Variants in TYW1 observed in about 807,000 individuals in gnomAD.
TYW1 encodes the protein tRNA-yW synthesizing protein 1 homolog, also known as S-adenosyl-L-methionine-dependent tRNA 4-demethylwyosine synthase TYW1.
In TYW1, 46 loss-of-function variants were observed where a neutral mutation model predicts 96.2. The observed-to-expected ratio is 0.48, with a 90% CI of 0.38 to 0.61. TYW1 has a LOEUF of 0.61. Among genes scored for constraint, TYW1 ranks in the 20% least tolerant of loss-of-function variants. TYW1 has a pLI of 0.00. For missense variants in TYW1, 684 were observed against 909.6 expected, an observed-to-expected ratio of 0.75 and a Z score of 3.19; for synonymous variants, 274 against 323.0, an observed-to-expected ratio of 0.85 and a Z score of 1.63.
chr7:67,077,825 T>C (rs1476735358), intron 10 of TYW1, among the ~76,000 whole-genome samples: 1 of 152,228 alleles, frequency 6.6e-6, no homozygotes, highest in Non-Finnish European at 1.5e-5. Context: ...CCCAGACCAG[T>C]GTCCTAAAGT....
chr7:67,026,160 CCTCCTGGTTTCAAGTGATT>C (rs1274258333), intron 7 of TYW1, among the ~76,000 whole-genome samples: 3 of 152,158 alleles, frequency 2.0e-5, no homozygotes, highest in African/African-American at 7.2e-5. Flanking sequence ...GCAACCTCTG[CCTCCTGGTTTCAAGTGATT>C]CTCCTGCCTC....
intron 8 of TYW1, among the ~76,000 whole-genome samples, chr7:67,054,160 G>C (rs1270413538): frequency 6.6e-6 from 1 of 152,084 alleles, no homozygotes; most frequent in Non-Finnish European, 1.5e-5. Context: ...AATCCTCTTT[G>C]TTATTCCATC....
chr7:67,121,982 T>G (rs1797773908), intron 13 of TYW1, among the ~76,000 whole-genome samples: 1 of 144,914 alleles, frequency 6.9e-6, no homozygotes, highest in Admixed American at 6.8e-5. Flanking sequence ...CGATAGCTAC[T>G]TGTCAAACAG....
rs1398282569 is a variant in TYW1, at chr7:67,098,777, A to G, written c.1562+59A>G. Reference sequence around the variant, plus strand: ...GAATCTATGTTTCACTGCAAAGTAAAACTAATAGGCATTAATGCAATCAAA... The same window carrying G: ...GAATCTATGTTTCACTGCAAAGTAAGACTAATAGGCATTAATGCAATCAAA... On this transcript the variant is annotated intron_variant, in intron 12 of 15. Transcript: ENST00000359626. 1.1e-5 allele frequency: 16 copies of G among 1,491,300 alleles called. No individual in the cohort carries two copies. In the East Asian group the frequency reaches 3.2e-4, roughly 30 times the overall value. The allele number at this position is 1,491,300 out of a possible 1,614,324, so 92.4% of individuals were successfully genotyped here.
chr7:67,010,074 C>T (rs1793740105), intron 4 of TYW1, among the ~76,000 whole-genome samples: 1 of 151,656 alleles, frequency 6.6e-6, no homozygotes, highest in Non-Finnish European at 1.5e-5. Flanking sequence ...TGTCCGTCTC[C>T]AGGTTCAAGT....
chr7:67,148,083 G>A (rs1462303288), intron 13 of TYW1, among the ~76,000 whole-genome samples: 1 of 152,042 alleles, frequency 6.6e-6, no homozygotes, highest in Non-Finnish European at 1.5e-5. Flanking sequence ...TGGTCATCTT[G>A]GGAGGAAGGG....
intron 4 of TYW1, among the ~76,000 whole-genome samples, chr7:67,013,279 C>T (rs567810849): frequency 1.3e-5 from 2 of 152,032 alleles, no homozygotes; most frequent in African/African-American, 2.4e-5. Flanking sequence ...CCCACTACCA[C>T]GCTTGCCTAG....
chr7:67,039,412 C>G (rs34340698), intron 7 of TYW1, among the ~76,000 whole-genome samples: 46,952 of 149,122 alleles, frequency 0.31, 7,698 homozygotes, highest in African/African-American at 0.38. Flanking sequence ...GAGCCGAGAT[C>G]CCGCCACTGC....
intron 14 of TYW1, among the ~76,000 whole-genome samples, chr7:67,184,593 TTTTA>T (rs1799940918): frequency 1.5e-5 from 1 of 64,868 alleles, no homozygotes; most frequent in Admixed American, 1.7e-4. Flanking sequence ...TGAGATGACA[TTTTA>T]TTTTATTTTA....
At chr7:67,227,256 T>A (rs34267978) in intron 15 of TYW1, among the ~76,000 whole-genome samples, 40,574 of 151,730 alleles carry the variant, frequency 0.27, 5,758 homozygotes, top group African/African-American at 0.36. Context: ...GATATTCTAT[T>A]ATTATTATTA....
chr7:67,224,372 C>T (rs1801490217), intron 15 of TYW1, among the ~76,000 whole-genome samples: 3 of 152,222 alleles, frequency 2.0e-5, no homozygotes, highest in African/African-American at 7.2e-5. Flanking sequence ...AGTGATCCGC[C>T]TGCCTTGGCC....
intron 15 of TYW1, among the ~76,000 whole-genome samples, chr7:67,209,960 A>G (rs868733319): frequency 1.3e-5 from 2 of 152,096 alleles, no homozygotes; most frequent in Middle Eastern, 3.4e-3. Context: ...GTTCCCATAT[A>G]CCCTAGATTT....
rs1801122901 is a variant in TYW1, at chr7:67,213,873, T to C, written c.1977+18536T>C. Reference sequence around the variant, plus strand: ...CTTTCTATTCCACTGCATTGATCTATGTGTCTGTTCTTTCCCCAATACCAT... The same window carrying C: ...CTTTCTATTCCACTGCATTGATCTACGTGTCTGTTCTTTCCCCAATACCAT... On this transcript the variant is annotated intron_variant, in intron 15 of 15. Coordinates refer to ENST00000359626, the MANE Select transcript of TYW1 (RefSeq NM_018264.4). Among the ~76,000 whole-genome samples, 3 of 152,212 alleles carry C rather than the reference T, an allele frequency of 2.0e-5. No individual in the cohort carries two copies. In the South Asian group the frequency reaches 6.2e-4, roughly 32 times the overall value.
chr7:67,029,403 G>GTA (rs1293072032), intron 7 of TYW1, among the ~76,000 whole-genome samples: 53 of 76,996 alleles, frequency 6.9e-4, no homozygotes, highest in South Asian at 5.9e-3. Flanking sequence ...GTGTGTGTGT[G>GTA]TGTGTGTGTG....
chr7:67,201,707 G>C (rs58750322), intron 15 of TYW1, among the ~76,000 whole-genome samples: 4,435 of 152,224 alleles, frequency 0.029, 282 homozygotes, highest in East Asian at 0.18. Flanking sequence ...AGAATGCCCA[G>C]AGTGAGACAG....
At chr7:67,225,670 G>A (rs140322458) in intron 15 of TYW1, among the ~76,000 whole-genome samples, 5,750 of 152,046 alleles carry the variant, frequency 0.038, 326 homozygotes, top group African/African-American at 0.13. Context: ...CCCAGCAGCA[G>A]TTGCTTTTAG....
At chr7:67,222,896 C>T (rs375524807) in intron 15 of TYW1, among the ~76,000 whole-genome samples, 1 of 129,092 alleles carries the variant, frequency 7.7e-6, no homozygotes, top group Non-Finnish European at 1.6e-5. Context: ...GCTATTCGGA[C>T]GTGATCATTT....
Position 67,171,395 on chromosome 7 carries a change from T to C in TYW1, c.1699-11731T>C, listed in dbSNP as rs564576664. On this transcript the variant is annotated intron_variant, in intron 13 of 15. Transcript: ENST00000359626. ...TCTATTTCTTTTACCTCTGTTCTAG[T>C]CTTTGTTTCTCTTTCCTAACCCTGT... 2.3e-4 allele frequency among the ~76,000 whole-genome samples: 35 copies of C among 152,268 alleles called. No individual in the cohort carries two copies. The Middle Eastern group carries it at 0.01, about 44-fold the overall frequency.
intron 13 of TYW1, among the ~76,000 whole-genome samples, chr7:67,140,880 G>C (rs564648889): frequency 2.0e-5 from 3 of 152,270 alleles, no homozygotes; most frequent in South Asian, 4.1e-4. Flanking sequence ...AATAAGTTAT[G>C]GTTCAACCAC....
Sources: allele counts gnomAD v4.1 joint callset (sites outside exome capture counted in the v4.1 genomes callset), GRCh38; gene constraint gnomAD v4.1.1; transcripts MANE v1.5; gene names NCBI Gene and HGNC (gene_info 2026-07-23, HGNC 2026-07-21).